Variants in MARCHF3 observed in about 807,000 individuals in gnomAD.
MARCHF3 encodes the protein E3 ubiquitin-protein ligase MARCHF3.
Under a neutral mutation model 24.2 loss-of-function variants are expected in MARCHF3, and 13 were observed. The observed-to-expected ratio is 0.54, with a 90% confidence interval of 0.35 to 0.85. The LOEUF (loss-of-function observed/expected upper bound fraction) is 0.85. Ranked by LOEUF, MARCHF3 falls within the 40% of genes least tolerant of loss-of-function variation. The pLI is 0.01. For missense variants in MARCHF3, 276 were observed against 325.0 expected, an observed-to-expected ratio of 0.85 and a Z score of 1.16; for synonymous variants, 144 against 137.3, an observed-to-expected ratio of 1.05 and a Z score of -0.34.
At chr5:126,966,048 T>C (rs1750803041) in intron 1 of MARCHF3, among the ~76,000 whole-genome samples, 1 of 152,198 alleles carries the variant, frequency 6.6e-6, no homozygotes, top group Non-Finnish European at 1.5e-5. Context: ...CATGGATGCA[T>C]CTCATAGATA....
At chr5:126,953,503 C>T (rs1183018418) in intron 1 of MARCHF3, among the ~76,000 whole-genome samples, 1 of 151,902 alleles carries the variant, frequency 6.6e-6, no homozygotes, top group African/African-American at 2.4e-5. Flanking sequence ...CTTTATTCTG[C>T]TTTTATATTG....
At chr5:126,924,230 G>A (rs1749221895) in intron 1 of MARCHF3, among the ~76,000 whole-genome samples, 1 of 152,158 alleles carries the variant, frequency 6.6e-6, no homozygotes, top group South Asian at 2.1e-4. Context: ...CTCCCACAGA[G>A]TTCTGCGTCA....
At chr5:126,983,270 T>A (rs1334348063) in intron 1 of MARCHF3, among the ~76,000 whole-genome samples, 1 of 152,180 alleles carries the variant, frequency 6.6e-6, no homozygotes, top group Non-Finnish European at 1.5e-5. Flanking sequence ...ATGATCCTTC[T>A]TAAAAATCGG....
chr5:126,908,908 A>C (rs1053013404), intron 3 of MARCHF3, among the ~76,000 whole-genome samples: 1 of 151,906 alleles, frequency 6.6e-6, no homozygotes, highest in African/African-American at 2.4e-5. Context: ...TGCTTTTTAG[A>C]GTTTCCAGTT....
Position 126,946,798 on chromosome 5 carries a change from CTGTG to C in MARCHF3, c.-56-28575_-56-28572del, listed in dbSNP as rs941622542. Reference sequence around the variant, plus strand: ...TGTGTGTGTGTGTGTGTGTGTGTGTCTGTGTGTGTGTGGTGGAGGGGAGGGGGCA... The same window carrying C: ...TGTGTGTGTGTGTGTGTGTGTGTGTCTGTGTGTGGTGGAGGGGAGGGGGCA... On this transcript the variant is annotated intron_variant, in intron 1 of 4. Coordinates refer to ENST00000308660, the MANE Select transcript of MARCHF3 (RefSeq NM_178450.5). Among the ~76,000 whole-genome samples, 4 of 75,712 alleles carry C rather than the reference CTGTG, an allele frequency of 5.3e-5. No homozygotes were observed. The Admixed American group carries it at 5.4e-4, about 10-fold the overall frequency. 49.7% of individuals were successfully genotyped at this position (75,712 alleles called of 152,430 possible). A position where few individuals can be genotyped will look rare whatever the true frequency, so the allele number is the denominator to read the frequency against.
chr5:126,979,841 G>A (rs113992041), intron 1 of MARCHF3, among the ~76,000 whole-genome samples: 2,091 of 151,504 alleles, frequency 0.014, 27 homozygotes, highest in Non-Finnish European at 0.021. Flanking sequence ...CCAGCTACTC[G>A]GGAGGCTGAG....
chr5:126,979,873 G>A (rs769931543), intron 1 of MARCHF3, among the ~76,000 whole-genome samples: 3 of 150,840 alleles, frequency 2.0e-5, no homozygotes, highest in African/African-American at 7.3e-5. Context: ...GCTTGAACCC[G>A]GGAGGTGGAG....
intron 1 of MARCHF3, among the ~76,000 whole-genome samples, chr5:126,989,240 C>T (rs1382957428): frequency 6.6e-6 from 1 of 151,936 alleles, no homozygotes; most frequent in Non-Finnish European, 1.5e-5. Context: ...GATCGCACCA[C>T]TGCACTTCAG....
intron 1 of MARCHF3, among the ~76,000 whole-genome samples, chr5:126,923,607 G>A (rs996141831): frequency 6.6e-6 from 1 of 152,162 alleles, no homozygotes; most frequent in Admixed American, 6.5e-5. Context: ...GAGATTTCAA[G>A]AAGTGATAAC....
At position 127,023,016 on chromosome 5, in the gene MARCHF3, T is replaced by C. The variant is rs528489036; in HGVS notation, c.-57+7334A>G. Among the ~76,000 whole-genome samples the C allele has an allele frequency of 3.9e-5, 6 of 152,314 alleles. No homozygotes were observed. The South Asian group carries it at 1.0e-3, about 26-fold the overall frequency. ...GGCTTAATTCAGCTGATCCTTGGTC[T>C]GTACACATGGACGCATGGTCTGTAC... On this transcript the variant is annotated intron_variant, in intron 1 of 4. Coordinates refer to ENST00000308660, the MANE Select transcript of MARCHF3 (RefSeq NM_178450.5).
At chr5:127,017,674 C>G (rs1752675479) in intron 1 of MARCHF3, among the ~76,000 whole-genome samples, 1 of 152,074 alleles carries the variant, frequency 6.6e-6, no homozygotes, top group Non-Finnish European at 1.5e-5. Context: ...GTATGGGTAC[C>G]ATCATAAAGT....
intron 1 of MARCHF3, among the ~76,000 whole-genome samples, chr5:126,940,422 G>A (rs963194177): frequency 6.6e-6 from 1 of 152,096 alleles, no homozygotes; most frequent in African/African-American, 2.4e-5. Context: ...CAGTTGCAGT[G>A]CAACTGTATA....
At chr5:126,985,025 T>C (rs186840798) in intron 1 of MARCHF3, among the ~76,000 whole-genome samples, 79 of 151,978 alleles carry the variant, frequency 5.2e-4, no homozygotes, top group Admixed American at 2.7e-3. Context: ...AAGTCAAAGG[T>C]GGGTGTGAGT....
In MARCHF3 at chr5:126,931,900, G is replaced by A. The variant is rs539864414; in HGVS notation, c.-56-13673C>T. On this transcript the variant is annotated intron_variant, in intron 1 of 4. Coordinates refer to ENST00000308660, the MANE Select transcript of MARCHF3 (RefSeq NM_178450.5). The stretch of plus-strand genomic sequence containing the variant: ...TGATAATAATAATAATAATAATTCA[G>A]CATGTGAGCGTTGGAGTTAGATACC... Among the ~76,000 whole-genome samples, 4 of 152,268 alleles carry A rather than the reference G, an allele frequency of 2.6e-5. No individual in the cohort carries two copies. In the East Asian group the frequency reaches 5.8e-4, roughly 22 times the overall value.
At chr5:126,989,307 GTACTAC>G (rs147682825) in intron 1 of MARCHF3, among the ~76,000 whole-genome samples, 80 of 149,304 alleles carry the variant, frequency 5.4e-4, no homozygotes, top group African/African-American at 1.7e-3. Flanking sequence ...ACTACTACTA[GTACTAC>G]TACTACTACT....
chr5:126,908,811 T>G (rs1161241519), intron 3 of MARCHF3, among the ~76,000 whole-genome samples: 1 of 152,060 alleles, frequency 6.6e-6, no homozygotes, highest in African/African-American at 2.4e-5. Flanking sequence ...GAAGCCTTCT[T>G]CTCTCAGCTC....
At chr5:127,003,293 C>T (rs1395149102) in intron 1 of MARCHF3, among the ~76,000 whole-genome samples, 1 of 150,888 alleles carries the variant, frequency 6.6e-6, no homozygotes, top group Non-Finnish European at 1.5e-5. Context: ...CAGTGAAAAC[C>T]CGTCTCTACT....
intron 3 of MARCHF3, among the ~76,000 whole-genome samples, chr5:126,883,710 G>A (rs74922997): frequency 0.02 from 3,099 of 152,238 alleles, 75 homozygotes; most frequent in South Asian, 0.11. Context: ...GGGGAAGAGG[G>A]GGTGCCAGAG....
chr5:126,979,985 A>G (rs1445761359), intron 1 of MARCHF3, among the ~76,000 whole-genome samples: 3 of 151,794 alleles, frequency 2.0e-5, no homozygotes, highest in Admixed American at 6.6e-5. Context: ...ATGAAAGTGA[A>G]ATCCTGTATA....
Sources: allele counts gnomAD v4.1 joint callset (sites outside exome capture counted in the v4.1 genomes callset), GRCh38; gene constraint gnomAD v4.1.1; transcripts MANE v1.5; gene names NCBI Gene and HGNC (gene_info 2026-07-23, HGNC 2026-07-21).